FBN2: variants seen among roughly 807,000 people sequenced by gnomAD.
FBN2 encodes fibrillin-2.
Under a neutral mutation model 355.6 loss-of-function variants are expected in FBN2, and 105 were observed. The observed-to-expected ratio is 0.30, with a 90% CI of 0.25 to 0.35. The LOEUF (loss-of-function observed/expected upper bound fraction) is 0.35, where lower values mean the gene tolerates loss of function less well. Ranked by LOEUF, FBN2 falls within the 10% of genes least tolerant of loss-of-function variation. The probability of loss-of-function intolerance (pLI) is 1.00; values close to 1 mark genes in which losing one functional copy is unlikely to be tolerated. For missense variants in FBN2, 3,280 were observed against 3,758.7 expected (o/e 0.87, Z 3.33); for synonymous variants, 1,350 against 1,301.2 (o/e 1.04, Z -0.81).
At chr5:128,420,153 G>A (rs534527515) in intron 7 of FBN2, among the ~76,000 whole-genome samples, 1 of 151,852 alleles carries the variant, frequency 6.6e-6, no homozygotes, top group South Asian at 2.1e-4. Context: ...TATTTTACTT[G>A]GGAGAGAGTC....
At chr5:128,480,987 T>C (rs184294556) in intron 5 of FBN2, among the ~76,000 whole-genome samples, 31 of 152,296 alleles carry the variant, frequency 2.0e-4, no homozygotes, top group Admixed American at 8.5e-4. Flanking sequence ...ACCACTTAAA[T>C]GGATAGCAGG....
chr5:128,328,563 A>T (rs1750614072), intron 34 of FBN2, 133 bp downstream of exon 34: 11 of 965,154 alleles, frequency 1.1e-5, no homozygotes, highest in Non-Finnish European at 1.8e-5. Context: ...ATCCACGCTT[A>T]AACGAATGAC....
Position 128,464,830 on chromosome 5 carries a change from A to G in FBN2, c.720T>C (p.Cys240=). 1.2e-6 allele frequency: 2 copies of G among 1,614,242 alleles called. No homozygotes were observed. The highest frequency in any genetic ancestry group is 1.7e-6 in the Non-Finnish European group (2 of 1,180,048). ...TGIVCTKTLC[C]ATIGRAWGHP... is the part of the protein sequence containing the mutation. The stretch of plus-strand genomic sequence containing the variant: ...GGCCCCACGCCCGTCCAATGGTGGC[A>G]CAGCACAGAGTCTTCGTGCAGACAA... Residue 240 remains cysteine (C), a synonymous_variant, in exon 6 of 65, where the codon TGT becomes TGC. Transcript: ENST00000262464.
Position 128,395,149 on chromosome 5 carries a change from G to C in FBN2, c.1204C>G (p.Pro402Ala). ...PGRCWGIGTI[P>A]EACPVRGSEE... ...GAACCTCTGACAGGACAGGCTTCAG[G>C]AATGGTTCCGATGCCCCAGCAGCGG... is the stretch of plus-strand genomic sequence containing the variant. The change falls in exon 9 of 65, where the codon CCT (proline) becomes GCT (alanine). Residue 402 changes from proline to alanine, a missense_variant. Physicochemically the swap from Pro to Ala is conservative, Grantham distance 27. This residue lies in a region of FBN2 where 343 missense variants were observed against 331.0 expected (regional missense o/e 1.04). Transcript: ENST00000262464. 6.2e-7 allele frequency: 1 copy of C among 1,614,100 alleles called. No homozygotes were observed. Among genetic ancestry groups the C allele is most frequent in the South Asian group, 1.1e-5 (1 of 91,078 alleles).
intron 7 of FBN2, among the ~76,000 whole-genome samples, chr5:128,413,613 G>A (rs1009667707): frequency 2.0e-5 from 3 of 152,028 alleles, no homozygotes; most frequent in Non-Finnish European, 2.9e-5. Flanking sequence ...TACACTAAAC[G>A]GAATATAATG....
At position 128,364,818 on chromosome 5, in the gene FBN2, GT is replaced by G. The variant is rs1436004245; in HGVS notation, c.2303-94del. The G allele has an allele frequency of 1.6e-5, 18 of 1,091,162 alleles. No homozygotes were observed. In the East Asian group the frequency reaches 4.0e-4, roughly 24 times the overall value. 67.6% of individuals were successfully genotyped at this position (1,091,162 alleles called of 1,614,324 possible). A position where few individuals can be genotyped will look rare whatever the true frequency, so the allele number is the denominator to read the frequency against. ...TAGTAAAGACCATTCAACATATGAA[GT>G]GTTTAACTCTGCAAACTCACAATTT... On this transcript the variant is annotated intron_variant, in intron 17 of 64. Transcript: ENST00000262464.
chr5:128,264,112 G>C (rs1765055486), intron 62 of FBN2, among the ~76,000 whole-genome samples: 1 of 152,060 alleles, frequency 6.6e-6, no homozygotes. Flanking sequence ...TGGTAGTATT[G>C]ATGACTGCAT....
At chr5:128,498,470 GA>G (rs1462638380) in intron 5 of FBN2, among the ~76,000 whole-genome samples, 1 of 151,730 alleles carries the variant, frequency 6.6e-6, no homozygotes, top group African/African-American at 2.4e-5. Context: ...CTCTGTGCCT[GA>G]AAAAATGGAC....
At chr5:128,365,039 C>T (rs1420202104) in intron 17 of FBN2, 3 of 259,608 alleles carry the variant, frequency 1.2e-5, no homozygotes, top group Non-Finnish European at 1.5e-5. Context: ...GGCTCCAAAT[C>T]CAAAGGAAAA....
chr5:128,277,674 G>A (rs780899565), intron 58 of FBN2, among the ~76,000 whole-genome samples: 4 of 152,062 alleles, frequency 2.6e-5, no homozygotes, highest in Non-Finnish European at 4.4e-5. Flanking sequence ...TCTCTTTACT[G>A]AGGCTCCTTT....
chr5:128,415,863 G>A lies in FBN2; in HGVS notation c.953-7064C>T, dbSNP rs1753181588. Among the ~76,000 whole-genome samples, 3 of 152,090 alleles carry A rather than the reference G, an allele frequency of 2.0e-5. No homozygotes were observed. The South Asian group carries it at 6.2e-4, about 31-fold the overall frequency. On this transcript the variant is annotated intron_variant, in intron 7 of 64. Coordinates refer to ENST00000262464, the MANE Select transcript of FBN2 (RefSeq NM_001999.4). ...TTTCTCCACATCCTTACCAGCATCT[G>A]CTATTTTCTGTCTTTTTAATAATAG...
At chr5:128,441,543 G>T (rs1228071249) in intron 7 of FBN2, among the ~76,000 whole-genome samples, 1 of 152,138 alleles carries the variant, frequency 6.6e-6, no homozygotes, top group African/African-American at 2.4e-5. Flanking sequence ...ACAGCTCTGT[G>T]GTGATGATTT....
chr5:128,306,338 G>C (rs13178408), intron 42 of FBN2, among the ~76,000 whole-genome samples: 8 of 152,032 alleles, frequency 5.3e-5, no homozygotes, highest in African/African-American at 1.9e-4. Flanking sequence ...ATATTGCTTA[G>C]GCCAGGTGTG....
chr5:128,324,215 T>C lies in FBN2; in HGVS notation c.4471+4481A>G, dbSNP rs549812453. ...TTTGTCTCACTAGCAGTCTATCTGT[T>C]TTGTTAATCTTTTCAGAAAACCAGC... On this transcript the variant is annotated intron_variant, in intron 34 of 64. Transcript: ENST00000262464. 6.6e-5 allele frequency among the ~76,000 whole-genome samples: 10 copies of C among 152,284 alleles called. 1 individual carries two copies. The South Asian group carries it at 2.1e-3, about 32-fold the overall frequency.
intron 5 of FBN2, among the ~76,000 whole-genome samples, chr5:128,503,868 C>A (rs1220399800): frequency 2.6e-5 from 4 of 152,124 alleles, no homozygotes; most frequent in Non-Finnish European, 5.9e-5. Context: ...ATGTCAGAGA[C>A]CTTCATGGCA....
intron 11 of FBN2, among the ~76,000 whole-genome samples, chr5:128,381,200 C>T (rs930718635): frequency 6.6e-6 from 1 of 151,926 alleles, no homozygotes; most frequent in Non-Finnish European, 1.5e-5. Context: ...TATACAGACA[C>T]TAGGAGAGTT....
chr5:128,394,701 T>G (rs1439795451), intron 9 of FBN2, among the ~76,000 whole-genome samples: 2 of 152,174 alleles, frequency 1.3e-5, no homozygotes, highest in Non-Finnish European at 2.9e-5. Flanking sequence ...AACAATGCTA[T>G]CACACTCCCC....
chr5:128,313,058 A>C lies in FBN2; in HGVS notation c.4718-263T>G, dbSNP rs111237215. ...TACTCATGGAATGGACAAGATAGTA[A>C]GAAATTTCTCATTTGGGACATACTG... On this transcript the variant is annotated intron_variant, in intron 36 of 64. Coordinates refer to ENST00000262464, the MANE Select transcript of FBN2 (RefSeq NM_001999.4). Among the ~76,000 whole-genome samples, 8 of 152,316 alleles carry C rather than the reference A, an allele frequency of 5.3e-5. 1 individual carries two copies. The highest frequency in any genetic ancestry group is 1.9e-4 in the African/African-American group (8 of 41,576).
intron 39 of FBN2, 143 bp from the exon 40 acceptor site, chr5:128,310,251 T>C (rs1581206491): frequency 1.6e-5 from 11 of 686,276 alleles, no homozygotes; most frequent in East Asian, 1.1e-4. Context: ...ATCCCAAATA[T>C]GCATTTATAT....
Sources: allele counts gnomAD v4.1 joint callset (sites outside exome capture counted in the v4.1 genomes callset), GRCh38; gene constraint gnomAD v4.1.1; regional missense constraint gnomAD v4.1.1; transcripts MANE v1.5; gene names NCBI Gene and HGNC (gene_info 2026-07-23, HGNC 2026-07-21).